Variants in PCDHGB6 observed in about 807,000 individuals in gnomAD.
The protein encoded by PCDHGB6 is protocadherin gamma-B6.
PCDHGB6 carries 51 observed loss-of-function variants against 59.1 expected under a neutral mutation model. The observed-to-expected ratio is 0.86, with a 90% CI of 0.69 to 1.09. The LOEUF (loss-of-function observed/expected upper bound fraction) is 1.09, where lower values mean the gene tolerates loss of function less well. Ranked by LOEUF, PCDHGB6 falls within the 50% of genes least tolerant of loss-of-function variation. PCDHGB6 has a pLI of 0.00. For synonymous variants in PCDHGB6, 466 were observed against 495.1 expected (o/e 0.94, Z 0.78); for missense variants, 1,148 against 1,205.1 (o/e 0.95, Z 0.70).
chr5:141,434,455 G>A (rs2097695575), intron 1 of PCDHGB6, among the ~76,000 whole-genome samples: 1 of 152,192 alleles, frequency 6.6e-6, no homozygotes, highest in Admixed American at 6.5e-5. Context: ...GAAGGTAGTG[G>A]GTTTACCGGA....
chr5:141,424,134 A>G (rs1255504512), intron 1 of PCDHGB6: 7 of 444,220 alleles, frequency 1.6e-5, no homozygotes, highest in Non-Finnish European at 2.2e-5. Context: ...TTGATTTAAT[A>G]GCATGCTCCC....
intron 1 of PCDHGB6, chr5:141,414,606 A>C: frequency 6.2e-7 from 1 of 1,613,944 alleles, no homozygotes; most frequent in Non-Finnish European, 8.5e-7. Flanking sequence ...CCATCTTCTC[A>C]GTGACAGCGC....
In PCDHGB6 at chr5:141,476,691, A is replaced by G; in HGVS notation, c.2419-18116A>G. 6.2e-7 allele frequency: 1 copy of G among 1,614,224 alleles called. No individual in the cohort carries two copies. Among genetic ancestry groups the G allele is most frequent in the Non-Finnish European group, 8.5e-7 (1 of 1,180,050 alleles). The stretch of plus-strand genomic sequence containing the variant: ...GTGCAGACGCGGGAGGACAGCACCA[A>G]GTACGCGGAGCTGGTGTTGGAGCGC... On this transcript the variant is annotated intron_variant, in intron 1 of 3. Transcript: ENST00000520790. This position sits in a 1 kb window ranked among gnomAD's most constrained non-coding sequence, Gnocchi z 7.6.
chr5:141,464,853 C>A (rs1441161135), intron 1 of PCDHGB6, among the ~76,000 whole-genome samples: 1 of 151,778 alleles, frequency 6.6e-6, no homozygotes, highest in East Asian at 1.9e-4. Flanking sequence ...ATCCTCCTAC[C>A]TTAGCCTCCC....
At chr5:141,421,843 G>C (rs769652818) in intron 1 of PCDHGB6, 1 of 1,613,798 alleles carries the variant, frequency 6.2e-7, no homozygotes, top group Non-Finnish European at 8.5e-7. Context: ...CCGAGAGAAA[G>C]AGGCTGCTCA....
At chr5:141,428,184 C>A in intron 1 of PCDHGB6, 32 of 1,463,670 alleles carry the variant, frequency 2.2e-5, no homozygotes, top group Non-Finnish European at 3.0e-5. Context: ...GGAGGACAGC[C>A]GCCGCTCTCT....
At chr5:141,413,877 G>GAC (rs751994783) in intron 1 of PCDHGB6, 1 of 1,613,386 alleles carries the variant, frequency 6.2e-7, no homozygotes. Flanking sequence ...TTGTCAGTGT[G>GAC]ACTGTCTTCG....
Position 141,495,110 on chromosome 5 carries a change from T to C in PCDHGB6, c.2477+245T>C, listed in dbSNP as rs74534116. Among the ~76,000 whole-genome samples the C allele has an allele frequency of 3.9e-3, 595 of 152,212 alleles. 3 individuals carry two copies. The highest frequency in any genetic ancestry group is 0.013 in the African/African-American group (538 of 41,532). On this transcript the variant is annotated intron_variant, in intron 2 of 3. Coordinates refer to ENST00000520790, the MANE Select transcript of PCDHGB6 (RefSeq NM_018926.3). The stretch of plus-strand genomic sequence containing the variant: ...TTCCCTCCTCGCCACGACCGGCACC[T>C]TTTCCTATCCCCTGAGGGCACTGTG...
rs1561723178 is a variant in PCDHGB6 at position 141,409,807 on chromosome 5, C to T, written c.1605C>T (p.Arg535=). ...LRAFALTLQA[R]DHGSPTLSAN... is the part of the protein sequence containing the mutation. ...CCTTCGCGCTCACGCTGCAGGCCCG[C>T]GACCACGGCTCGCCCACGCTCAGCG... The change falls in exon 1 of 4, where the codon CGC becomes CGT. Residue 535 remains arginine, a synonymous_variant. Coordinates refer to ENST00000520790, the MANE Select transcript of PCDHGB6 (RefSeq NM_018926.3). 1.2e-6 allele frequency: 2 copies of T among 1,611,592 alleles called. No homozygotes were observed. The highest frequency in any genetic ancestry group is 1.7e-6 in the Non-Finnish European group (2 of 1,179,140).
chr5:141,445,708 G>A (rs2098475030), intron 1 of PCDHGB6, among the ~76,000 whole-genome samples: 1 of 152,168 alleles, frequency 6.6e-6, no homozygotes, highest in African/African-American at 2.4e-5. Flanking sequence ...AAATTGTCAG[G>A]CAGAGGAAAT....
chr5:141,450,251 C>T (rs2154563018), intron 1 of PCDHGB6, among the ~76,000 whole-genome samples: 1 of 152,200 alleles, frequency 6.6e-6, no homozygotes. Context: ...CTCCTGACCT[C>T]AAGTGATCTG....
chr5:141,426,797 C>A (rs1487716495), intron 1 of PCDHGB6: 1 of 456,706 alleles, frequency 2.2e-6, no homozygotes, highest in Non-Finnish European at 4.4e-6. Context: ...GTTACCAGCT[C>A]AGTTCTAATG....
chr5:141,481,260 A>C (rs2099534771), intron 1 of PCDHGB6, among the ~76,000 whole-genome samples: 1 of 152,166 alleles, frequency 6.6e-6, no homozygotes, highest in Non-Finnish European at 1.5e-5. Context: ...CTAAAAGATC[A>C]CTGTAGGAAG....
chr5:141,455,860 A>ATTATTTATTTAT (rs145569377), intron 1 of PCDHGB6, among the ~76,000 whole-genome samples: 9 of 139,836 alleles, frequency 6.4e-5, no homozygotes, highest in African/African-American at 7.9e-5. Context: ...AATTTCTTTT[A>ATTATTTATTTAT]TTATTTATTT....
At position 141,410,578 on chromosome 5, in the gene PCDHGB6, T is replaced by G; in HGVS notation, c.2376T>G (p.His792Gln). ...CTCCTGGAGCCTTAATTCCACCTCA[T>G]GGTGGGGAGGATTTGACTTCACATC... ...SVSPGALIPP[H>Q]GGEDLTSHPE... Residue 792 changes from histidine to glutamine, a missense_variant, in exon 1 of 4, where the codon CAT becomes CAG. Physicochemically the swap from His to Gln is conservative, Grantham distance 24. Transcript: ENST00000520790. 3 of 1,610,984 alleles carry G rather than the reference T, an allele frequency of 1.9e-6. No individual in the cohort carries two copies. Among genetic ancestry groups the G allele is most frequent in the Non-Finnish European group, 2.5e-6 (3 of 1,179,744 alleles).
chr5:141,413,900 AC>A, intron 1 of PCDHGB6: 1 of 1,613,126 alleles, frequency 6.2e-7, no homozygotes. Flanking sequence ...GCAAATGACA[AC>A]GCGCCGGTCT....
intron 1 of PCDHGB6, among the ~76,000 whole-genome samples, chr5:141,458,869 A>G (rs2154566384): frequency 6.6e-6 from 1 of 152,264 alleles, no homozygotes; most frequent in East Asian, 1.9e-4. Context: ...AGTAGCTGGG[A>G]CTACAGGCAT....
chr5:141,418,348 T>G (rs2096249125), intron 1 of PCDHGB6: 1 of 1,613,982 alleles, frequency 6.2e-7, no homozygotes, highest in African/African-American at 1.3e-5. Flanking sequence ...CTGATATTAG[T>G]ATGAATTCGC....
chr5:141,415,759 T>TG (rs2095937522), intron 1 of PCDHGB6: 3 of 1,352,056 alleles, frequency 2.2e-6, no homozygotes, highest in Non-Finnish European at 2.9e-6. Flanking sequence ...TTTTTTTTTT[T>TG]TTTTTTTTTT....
Sources: allele counts gnomAD v4.1 joint callset (sites outside exome capture counted in the v4.1 genomes callset), GRCh38; gene constraint gnomAD v4.1.1; non-coding constraint Gnocchi (gnomAD v3.1); transcripts MANE v1.5; gene names NCBI Gene and HGNC (gene_info 2026-07-23, HGNC 2026-07-21).